The following PCDH9 variants were observed in gnomAD, a reference collection of about 807,000 sequenced individuals.
The protein encoded by PCDH9 is protocadherin-9.
PCDH9 carries 24 observed loss-of-function variants against 70.6 expected under a neutral mutation model. That is an observed-to-expected ratio of 0.34 (90% CI 0.25 to 0.48). The LOEUF (loss-of-function observed/expected upper bound fraction) is 0.48, where lower values mean the gene tolerates loss of function less well. Ranked by LOEUF, PCDH9 falls within the 20% of genes least tolerant of loss-of-function variation. PCDH9 has a pLI of 0.99. For synonymous variants in PCDH9, 562 were observed against 558.5 expected, an observed-to-expected ratio of 1.01 and a Z score of -0.09; for missense variants, 1,281 against 1,503.6, an observed-to-expected ratio of 0.85 and a Z score of 2.45.
At chr13:67,024,072 G>A (rs544401061) in intron 2 of PCDH9, among the ~76,000 whole-genome samples, 1 of 152,174 alleles carries the variant, frequency 6.6e-6, no homozygotes, top group Admixed American at 6.6e-5. Flanking sequence ...TCAGACAAGT[G>A]AAACCTGCAG....
Position 66,458,911 on chromosome 13 carries a change from T to A in PCDH9, c.3341-153883A>T, listed in dbSNP as rs555458783. Among the ~76,000 whole-genome samples the A allele has an allele frequency of 1.7e-4, 26 of 152,102 alleles. 1 individual carries two copies. In the East Asian group the frequency reaches 5.0e-3, roughly 29 times the overall value. On this transcript the variant is annotated intron_variant, in intron 4 of 4. Coordinates refer to ENST00000377865, the MANE Select transcript of PCDH9 (RefSeq NM_203487.3). ...GATGATACTCTGCAGGAGGTGGTAA[T>A]GTTTATGCAGTGGAAAAATCTAAAG...
chr13:67,052,177 C>T (rs999257543), intron 2 of PCDH9, among the ~76,000 whole-genome samples: 1 of 151,996 alleles, frequency 6.6e-6, no homozygotes. Context: ...CAATAAGCAA[C>T]ATGAATGATA....
chr13:66,748,800 A>T (rs561994150), intron 3 of PCDH9, among the ~76,000 whole-genome samples: 3 of 152,322 alleles, frequency 2.0e-5, no homozygotes, highest in East Asian at 1.9e-4. Context: ...TTTTAAGAGC[A>T]CAAAGAGCTT....
intron 4 of PCDH9, among the ~76,000 whole-genome samples, chr13:66,565,765 A>G (rs1246351049): frequency 6.6e-6 from 1 of 152,188 alleles, no homozygotes; most frequent in East Asian, 1.9e-4. Context: ...ATATTCCTCT[A>G]TATTTATATA....
At chr13:66,479,943 A>G (rs181756567) in intron 4 of PCDH9, among the ~76,000 whole-genome samples, 45 of 152,276 alleles carry the variant, frequency 3.0e-4, no homozygotes, top group African/African-American at 1.1e-3. Context: ...GTCCCTTTCC[A>G]TGGTGTGGAA....
intron 2 of PCDH9, among the ~76,000 whole-genome samples, chr13:66,941,872 T>C (rs1289044245): frequency 6.6e-6 from 1 of 151,954 alleles, no homozygotes; most frequent in Non-Finnish European, 1.5e-5. Flanking sequence ...AGAATGTATA[T>C]TATTTTCAAG....
At chr13:66,596,934 C>T (rs2077111391) in intron 4 of PCDH9, among the ~76,000 whole-genome samples, 1 of 150,462 alleles carries the variant, frequency 6.6e-6, no homozygotes, top group Non-Finnish European at 1.5e-5. Flanking sequence ...TTAGAGTTAC[C>T]ACCCATCTGG....
intron 3 of PCDH9, among the ~76,000 whole-genome samples, chr13:66,642,743 G>C (rs1433337939): frequency 6.6e-6 from 1 of 151,764 alleles, no homozygotes; most frequent in East Asian, 1.9e-4. Flanking sequence ...TTCTTCAGTA[G>C]CTTAAAAATT....
chr13:66,825,940 A>G (rs1464358642), intron 3 of PCDH9, among the ~76,000 whole-genome samples: 1 of 152,176 alleles, frequency 6.6e-6, no homozygotes, highest in Admixed American at 6.5e-5. Context: ...GATCGCAATC[A>G]TTTGGTGATA....
intron 2 of PCDH9, chr13:67,213,771 T>C (rs779689022): frequency 5.3e-5 from 8 of 152,214 alleles, no homozygotes; most frequent in Non-Finnish European, 1.5e-5. Flanking sequence ...CTTATGAAAC[T>C]GTCTTCTTAT....
intron 3 of PCDH9, among the ~76,000 whole-genome samples, chr13:66,797,643 G>C (rs1025213573): frequency 7.9e-5 from 12 of 152,116 alleles, no homozygotes; most frequent in African/African-American, 2.6e-4. Context: ...ATAACTCAAC[G>C]TTAAACCTCT....
chr13:66,920,180 TG>T (rs1420529354), intron 2 of PCDH9, among the ~76,000 whole-genome samples: 2 of 151,198 alleles, frequency 1.3e-5, no homozygotes, highest in African/African-American at 4.8e-5. Flanking sequence ...TTTTAAGACA[TG>T]TACTTTTAAC....
chr13:66,352,975 C>T (rs1180427172), intron 4 of PCDH9, among the ~76,000 whole-genome samples: 1 of 152,028 alleles, frequency 6.6e-6, no homozygotes, highest in Admixed American at 6.6e-5. Context: ...CAGCCATGAT[C>T]AATACAAATG....
In PCDH9 at chr13:66,567,534, C is replaced by A. The variant is rs532619503; in HGVS notation, c.3340+63676G>T. 3.3e-5 allele frequency among the ~76,000 whole-genome samples: 5 copies of A among 152,228 alleles called. No individual in the cohort carries two copies. In the South Asian group the frequency reaches 1.0e-3, roughly 32 times the overall value. ...AATAAATAAATAGTCTTGACCTCAA[C>A]AAATGATATTACAATGCAAATGCAT... On this transcript the variant is annotated intron_variant, in intron 4 of 4. Coordinates refer to ENST00000377865, the MANE Select transcript of PCDH9 (RefSeq NM_203487.3).
At chr13:66,417,076 T>C (rs1422242523) in intron 4 of PCDH9, among the ~76,000 whole-genome samples, 4 of 152,198 alleles carry the variant, frequency 2.6e-5, no homozygotes, top group Non-Finnish European at 5.9e-5. Flanking sequence ...GTGCAGAACA[T>C]GCAGGTTTGT....
chr13:67,114,452 C>A (rs1025017945), intron 2 of PCDH9, among the ~76,000 whole-genome samples: 1 of 152,108 alleles, frequency 6.6e-6, no homozygotes, highest in East Asian at 1.9e-4. Context: ...CACTTACTTT[C>A]AATGAGGCAT....
chr13:66,590,508 C>T (rs954231169), intron 4 of PCDH9, among the ~76,000 whole-genome samples: 1 of 151,806 alleles, frequency 6.6e-6, no homozygotes, highest in Admixed American at 6.6e-5. Flanking sequence ...TAATAACTTT[C>T]TGGGACAAAA....
intron 2 of PCDH9, among the ~76,000 whole-genome samples, chr13:67,110,930 T>C (rs1471578796): frequency 1.3e-5 from 2 of 152,220 alleles, no homozygotes; most frequent in Non-Finnish European, 2.9e-5. Flanking sequence ...GTTCACAGGA[T>C]TATAGGCTTA....
At chr13:66,542,560 A>G (rs1961007583) in intron 4 of PCDH9, among the ~76,000 whole-genome samples, 1 of 151,838 alleles carries the variant, frequency 6.6e-6, no homozygotes, top group South Asian at 2.1e-4. Flanking sequence ...GGCCTGCCCT[A>G]TCCAATTTAG....
Sources: allele counts gnomAD v4.1 joint callset (sites outside exome capture counted in the v4.1 genomes callset), GRCh38; gene constraint gnomAD v4.1.1; transcripts MANE v1.5; gene names NCBI Gene and HGNC (gene_info 2026-07-23, HGNC 2026-07-21).